Variants in CAT observed in about 807,000 individuals in gnomAD.
CAT encodes the protein epididymis secretory sperm binding protein.
A neutral mutation model predicts 59.0 loss-of-function variants in CAT; 43 were observed. The observed-to-expected ratio is 0.73, with a 90% confidence interval of 0.57 to 0.94. CAT has a LOEUF of 0.94. Ranked by LOEUF, CAT falls within the 40% of genes least tolerant of loss-of-function variation. CAT has a pLI of 0.00. For synonymous variants in CAT, 218 were observed against 230.9 expected, an observed-to-expected ratio of 0.94 and a Z score of 0.51; for missense variants, 664 against 682.9, an observed-to-expected ratio of 0.97 and a Z score of 0.31.
In CAT at chr11:34,464,123, A is replaced by G. The variant is rs1181088033; in HGVS notation, c.1214A>G (p.Tyr405Cys). The G allele has an allele frequency of 2.5e-6, 4 of 1,614,012 alleles. No homozygotes were observed. The highest frequency in any genetic ancestry group is 3.4e-6 in the Non-Finnish European group (4 of 1,179,998). ...QDNQGGAPNYYPNSFGAPEQQ... is the reference protein window; with the variant it reads ...QDNQGGAPNYCPNSFGAPEQQ... ...TTTGAAGGTGGTGCTCCAAATTACT[A>G]CCCCAACAGCTTTGGTGCTCCGGAA... Residue 405 changes from tyrosine (Y) to cysteine (C), a missense_variant, in exon 10 of 13, where the codon TAC becomes TGC. By Grantham distance (194) the Tyr-to-Cys change is radical. Transcript: ENST00000241052.
chr11:34,453,650 G>A (rs1376789121), intron 5 of CAT, 151 bp from the exon 6 acceptor site: 1 of 677,924 alleles, frequency 1.5e-6, no homozygotes, highest in Non-Finnish European at 2.6e-6. Context: ...TTTTCTACAA[G>A]TGAAATAATA....
chr11:34,445,251 A>G lies in CAT; in HGVS notation c.67-3941A>G, dbSNP rs17885837. ...ACGCCTATAATCCCAGCACTTTGGG[A>G]GGCCAAGATGGGCGGATTTCTTGAG... On this transcript the variant is annotated intron_variant, in intron 1 of 12. Transcript: ENST00000241052. Among the ~76,000 whole-genome samples the G allele has an allele frequency of 4.0e-3, 607 of 152,220 alleles. 3 individuals are homozygous for G. Among genetic ancestry groups the G allele is most frequent in the Non-Finnish European group, 6.7e-3 (457 of 68,016 alleles).
At chr11:34,444,909 A>G (rs1856431338) in intron 1 of CAT, among the ~76,000 whole-genome samples, 1 of 152,214 alleles carries the variant, frequency 6.6e-6, no homozygotes, top group South Asian at 2.1e-4. Context: ...TAGCCAAGCT[A>G]ATTTCTGTGG....
chr11:34,456,877 A>AAT, intron 8 of CAT, 60 bp downstream of exon 8: 1 of 1,532,668 alleles, frequency 6.5e-7, no homozygotes, highest in Non-Finnish European at 9.0e-7. Context: ...GCACACACAA[A>AAT]ATATGCAGCT....
chr11:34,461,555 G>A (rs1162182314), intron 9 of CAT, among the ~76,000 whole-genome samples, 166 bp downstream of exon 9: 4 of 152,216 alleles, frequency 2.6e-5, no homozygotes, highest in Admixed American at 1.3e-4. Flanking sequence ...CAGCAGTGAA[G>A]ATTTAGGCTG....
chr11:34,444,486 CTT>C (rs1444604137), intron 1 of CAT, among the ~76,000 whole-genome samples: 1 of 152,142 alleles, frequency 6.6e-6, no homozygotes, highest in East Asian at 1.9e-4. Flanking sequence ...TCAGGACAGT[CTT>C]TGGTTTCCTG....
chr11:34,469,900 A>T (rs1856756297), intron 11 of CAT, among the ~76,000 whole-genome samples: 1 of 152,164 alleles, frequency 6.6e-6, no homozygotes, highest in East Asian at 1.9e-4. Context: ...TACTGACCTC[A>T]GGTGATCCAC....
chr11:34,471,439 G>T lies in CAT; in HGVS notation c.*6G>T. 1 of 1,613,272 alleles carries T rather than the reference G, an allele frequency of 6.2e-7. No homozygotes were observed. The highest frequency in any genetic ancestry group is 8.5e-7 in the Non-Finnish European group (1 of 1,179,286). ...GGGAGAAGGCAAATCTGTGAGGCCG[G>T]GGCCCTGCACCTGTGCAGCGAAGCT... On this transcript the variant is annotated 3_prime_UTR_variant, in exon 13 of 13. Transcript: ENST00000241052.
At chr11:34,462,810 A>C (rs1564965694) in intron 9 of CAT, among the ~76,000 whole-genome samples, 2 of 152,286 alleles carry the variant, frequency 1.3e-5, no homozygotes, top group East Asian at 3.9e-4. Context: ...GACAACTACC[A>C]CTTTGAGTAA....
rs774648491 is a variant in CAT at position 34,455,963 on chromosome 11, A to G, written c.712-48A>G. ...AATGAATTACTGATGAAATTTTGAT[A>G]ACTTTGACAATAAGTTTCCATTGGA... On this transcript the variant is annotated intron_variant, in intron 6 of 12. Coordinates refer to ENST00000241052, the MANE Select transcript of CAT (RefSeq NM_001752.4). 7 of 1,530,836 alleles carry G rather than the reference A, an allele frequency of 4.6e-6. No individual in the cohort carries two copies. The African/African-American group carries it at 9.6e-5, about 21-fold the overall frequency. The allele number at this position is 1,530,836 out of a possible 1,614,324, so 94.8% of individuals were successfully genotyped here. A position where few individuals can be genotyped will look rare whatever the true frequency, so the allele number is the denominator to read the frequency against.
intron 8 of CAT, among the ~76,000 whole-genome samples, chr11:34,458,134 G>A (rs913434158): frequency 6.6e-6 from 1 of 152,350 alleles, no homozygotes; most frequent in South Asian, 2.1e-4. Context: ...TCATGAACGA[G>A]GTAGCATTTG....
chr11:34,449,452 A>G, intron 2 of CAT, 89 bp downstream of exon 2: 2 of 1,124,442 alleles, frequency 1.8e-6, no homozygotes, highest in South Asian at 1.3e-5. Context: ...GACCTTTAAC[A>G]CAAGTGTCAA....
In CAT at chr11:34,456,782, C is replaced by A. The variant is rs778664352; in HGVS notation, c.1021C>A (p.Pro341Thr). Reference protein sequence around the residue: ...QIAFDPSNMPPGIEASPDKML... With the variant: ...QIAFDPSNMPTGIEASPDKML... ...AGCCTTCGACCCAAGCAACATGCCACCTGGCATTGAGGCCAGTCCTGACAA... is the reference window on the plus strand; with the variant it reads ...AGCCTTCGACCCAAGCAACATGCCAACTGGCATTGAGGCCAGTCCTGACAA... Residue 341 changes from proline to threonine, a missense_variant, in exon 8 of 13, where the codon CCT (proline) becomes ACT (threonine). By Grantham distance (38) the Pro-to-Thr change is conservative (BLOSUM62 -1). Coordinates refer to ENST00000241052, the MANE Select transcript of CAT (RefSeq NM_001752.4). 1.2e-6 allele frequency: 2 copies of A among 1,614,096 alleles called. No individual in the cohort carries two copies. The highest frequency in any genetic ancestry group is 8.5e-7 in the Non-Finnish European group (1 of 1,180,042).
At chr11:34,440,692 A>G (rs1220556790) in intron 1 of CAT, among the ~76,000 whole-genome samples, 1 of 151,540 alleles carries the variant, frequency 6.6e-6, no homozygotes, top group East Asian at 1.9e-4. Context: ...CCTCCCGAGT[A>G]GCTGGGATTA....
At chr11:34,455,910 C>A in intron 6 of CAT, 101 bp from the exon 7 acceptor site, 1 of 914,528 alleles carries the variant, frequency 1.1e-6, no homozygotes, top group Non-Finnish European at 1.8e-6. Context: ...AAAGTTCATT[C>A]TTTGGGCAGT....
chr11:34,468,245 A>C (rs1348144926), intron 10 of CAT, 43 bp from the exon 11 acceptor site: 7 of 1,376,496 alleles, frequency 5.1e-6, no homozygotes, highest in Admixed American at 5.0e-5. Flanking sequence ...TTGGTGATAA[A>C]CTGGTGATTC....
At chr11:34,456,921 C>T in intron 8 of CAT, 104 bp downstream of exon 8, 6 of 1,240,188 alleles carry the variant, frequency 4.8e-6, no homozygotes, top group African/African-American at 1.5e-5. Context: ...TTAACAAGAA[C>T]ATTACTTAAA....
intron 1 of CAT, among the ~76,000 whole-genome samples, chr11:34,445,585 C>G (rs1032782133): frequency 6.6e-6 from 1 of 150,832 alleles, no homozygotes; most frequent in Non-Finnish European, 1.5e-5. Flanking sequence ...AGAAGATGCC[C>G]TTGGCCCTGC....
chr11:34,455,423 C>T (rs889215612), intron 6 of CAT, among the ~76,000 whole-genome samples: 4 of 151,690 alleles, frequency 2.6e-5, no homozygotes, highest in Non-Finnish European at 5.9e-5. Context: ...TAATGTCTTG[C>T]TTGGAAAGTC....
Sources: allele counts gnomAD v4.1 joint callset (sites outside exome capture counted in the v4.1 genomes callset), GRCh38; gene constraint gnomAD v4.1.1; transcripts MANE v1.5; gene names NCBI Gene and HGNC (gene_info 2026-07-23, HGNC 2026-07-21).